The following NECAB1 variants were observed in gnomAD, a reference collection of about 807,000 sequenced individuals.
NECAB1 encodes the protein N-terminal EF-hand calcium binding protein 1.
NECAB1 carries 29 observed loss-of-function variants against 57.5 expected under a neutral mutation model. The observed-to-expected ratio is 0.50, with a 90% CI of 0.38 to 0.69. The LOEUF is 0.69. Among genes scored for constraint, NECAB1 ranks in the 30% least tolerant of loss-of-function variants. NECAB1 has a pLI of 0.00. For synonymous variants in NECAB1, 142 were observed against 147.7 expected (o/e 0.96, Z 0.28); for missense variants, 372 against 413.8 (o/e 0.90, Z 0.88).
intron 12 of NECAB1, among the ~76,000 whole-genome samples, chr8:90,954,848 TATAA>T (rs1485474401): frequency 2.7e-5 from 4 of 148,376 alleles, no homozygotes; most frequent in Admixed American, 6.8e-5. Flanking sequence ...TGCATATATT[TATAA>T]ATATATGTAT....
In NECAB1 at chr8:90,959,247, C is replaced by T. The variant is rs184649012; in HGVS notation, c.*3735C>T. The T allele has an allele frequency of 2.7e-3, 771 of 281,716 alleles. 1 individual carries two copies. Among genetic ancestry groups the T allele is most frequent in the Non-Finnish European group, 3.3e-3 (504 of 152,598 alleles). The allele number at this position is 281,716 out of a possible 1,614,324, so 17.5% of individuals were successfully genotyped here. ...TTTTAAAATATATTAAATTGTATTCCAAACCTGTTCTTCTGTTTCTGTGGC... is the reference window on the plus strand; with the variant it reads ...TTTTAAAATATATTAAATTGTATTCTAAACCTGTTCTTCTGTTTCTGTGGC... On this transcript the variant is annotated 3_prime_UTR_variant, in exon 13 of 13. Transcript: ENST00000417640.
chr8:90,881,197 C>T, intron 5 of NECAB1, 67 bp downstream of exon 5: 1 of 1,107,184 alleles, frequency 9.0e-7, no homozygotes. Flanking sequence ...TCTTGAAAAT[C>T]ATACCTATTT....
chr8:90,872,666 T>C (rs1026316768), intron 4 of NECAB1, among the ~76,000 whole-genome samples: 17 of 152,162 alleles, frequency 1.1e-4, no homozygotes, highest in African/African-American at 4.1e-4. Flanking sequence ...ATTTATTTTC[T>C]TCATCTTTAT....
chr8:90,947,301 CAT>C (rs1425111359), intron 10 of NECAB1, among the ~76,000 whole-genome samples: 2,584 of 84,516 alleles, frequency 0.031, 127 homozygotes, highest in African/African-American at 0.15. Flanking sequence ...GCTAACAACA[CAT>C]ACACACACAC....
chr8:90,881,237 AGTTT>A (rs1466766379), intron 5 of NECAB1, 107 bp downstream of exon 5: 1 of 744,136 alleles, frequency 1.3e-6, no homozygotes, highest in Non-Finnish European at 2.2e-6. Flanking sequence ...TATCACTGAT[AGTTT>A]ATTTTTCTTC....
intron 2 of NECAB1, among the ~76,000 whole-genome samples, chr8:90,805,352 A>G (rs1811830067): frequency 6.8e-6 from 1 of 146,206 alleles, no homozygotes; most frequent in Admixed American, 6.8e-5. Flanking sequence ...GGCAATAGGC[A>G]GTATAATTGT....
chr8:90,883,275 G>A (rs1563516519), intron 5 of NECAB1, among the ~76,000 whole-genome samples: 1 of 152,088 alleles, frequency 6.6e-6, no homozygotes, highest in Admixed American at 6.6e-5. Flanking sequence ...AAAAGAAATA[G>A]TCAAAATTAA....
At position 90,955,637 on chromosome 8, in the gene NECAB1, T is replaced by G. The variant is rs1008200375; in HGVS notation, c.*125T>G. On this transcript the variant is annotated 3_prime_UTR_variant, in exon 13 of 13. Coordinates refer to ENST00000417640, the MANE Select transcript of NECAB1 (RefSeq NM_022351.5). ...ATTTTTGTTTGGTATATTTACTAAG[T>G]GCACTCTTTCAAAACTTATTCTATA... The G allele has an allele frequency of 3.3e-6, 2 of 609,476 alleles. No homozygotes were observed. Among genetic ancestry groups the G allele is most frequent in the Admixed American group, 3.7e-5 (1 of 27,182 alleles). 37.8% of individuals were successfully genotyped at this position (609,476 alleles called of 1,614,324 possible).
intron 2 of NECAB1, among the ~76,000 whole-genome samples, chr8:90,818,390 G>T (rs1371010282): frequency 6.6e-6 from 1 of 151,788 alleles, no homozygotes; most frequent in Non-Finnish European, 1.5e-5. Flanking sequence ...TATTGATTTT[G>T]GTTCTTTCTT....
intron 11 of NECAB1, among the ~76,000 whole-genome samples, chr8:90,950,570 G>A (rs1456461697): frequency 6.6e-6 from 1 of 152,128 alleles, no homozygotes; most frequent in East Asian, 1.9e-4. Flanking sequence ...TAAATATGGT[G>A]ATGGAAGTAA....
At chr8:90,805,959 C>T (rs1811839925) in intron 2 of NECAB1, among the ~76,000 whole-genome samples, 1 of 152,172 alleles carries the variant, frequency 6.6e-6, no homozygotes, top group Admixed American at 6.5e-5. Context: ...CAGCCCATGG[C>T]ACCCACTATT....
chr8:90,850,911 G>A (rs185734805), intron 3 of NECAB1, among the ~76,000 whole-genome samples: 1 of 152,262 alleles, frequency 6.6e-6, no homozygotes, highest in East Asian at 1.9e-4. Flanking sequence ...AATAAGGTGA[G>A]TCTTGAAGGA....
intron 2 of NECAB1, among the ~76,000 whole-genome samples, chr8:90,803,781 A>G (rs554553019): frequency 6.3e-4 from 96 of 152,064 alleles, no homozygotes; most frequent in Non-Finnish European, 1.1e-3. Flanking sequence ...GGCACCCTCC[A>G]TCTGCCACAC....
At chr8:90,810,155 C>T (rs1039931307) in intron 2 of NECAB1, among the ~76,000 whole-genome samples, 2 of 152,140 alleles carry the variant, frequency 1.3e-5, no homozygotes, top group African/African-American at 4.8e-5. Context: ...TGGCTCATCT[C>T]TGTAGCAGAA....
chr8:90,896,808 C>T (rs28556910), intron 5 of NECAB1, among the ~76,000 whole-genome samples: 1 of 152,132 alleles, frequency 6.6e-6, no homozygotes, highest in South Asian at 2.1e-4. Context: ...TCATTCGGAT[C>T]ACCTGCTCCA....
chr8:90,894,187 A>AT (rs1809267557), intron 5 of NECAB1, among the ~76,000 whole-genome samples: 1 of 152,182 alleles, frequency 6.6e-6, no homozygotes, highest in Non-Finnish European at 1.5e-5. Context: ...TTCCAGACAC[A>AT]TTTTTTCTCA....
At position 90,917,870 on chromosome 8, in the gene NECAB1, A is replaced by ATATATATCTGTG. The variant is rs1554575432; in HGVS notation, c.494+243_494+244insATATATCTGTGT. Reference sequence around the variant, plus strand: ...TATATATATATATATATATATATATATGTGTGTGTGTGCGTGTATATATAT... The same window carrying ATATATATCTGTG: ...TATATATATATATATATATATATATATATATATCTGTGTGTGTGTGTGTGCGTGTATATATAT... On this transcript the variant is annotated intron_variant, in intron 6 of 12. Coordinates refer to ENST00000417640, the MANE Select transcript of NECAB1 (RefSeq NM_022351.5). Among the ~76,000 whole-genome samples the ATATATATCTGTG allele has an allele frequency of 4.7e-5, 3 of 64,344 alleles. 1 individual carries two copies. Among genetic ancestry groups the ATATATATCTGTG allele is most frequent in the African/African-American group, 3.1e-4 (3 of 9,572 alleles). The allele number at this position is 64,344 out of a possible 152,430, so 42.2% of individuals were successfully genotyped here. A position where few individuals can be genotyped will look rare whatever the true frequency, so the allele number is the denominator to read the frequency against.
chr8:90,919,131 T>A (rs187201899), intron 6 of NECAB1, among the ~76,000 whole-genome samples: 54 of 152,292 alleles, frequency 3.5e-4, no homozygotes, highest in African/African-American at 1.2e-3. Context: ...GAGACACCTA[T>A]ACTAAAAATG....
intron 5 of NECAB1, among the ~76,000 whole-genome samples, chr8:90,888,636 T>A (rs1038862214): frequency 2.0e-5 from 3 of 152,212 alleles, no homozygotes; most frequent in Non-Finnish European, 4.4e-5. Context: ...CCAGAAATAC[T>A]AAATGTTATT....
Sources: allele counts gnomAD v4.1 joint callset (sites outside exome capture counted in the v4.1 genomes callset), GRCh38; gene constraint gnomAD v4.1.1; transcripts MANE v1.5; gene names NCBI Gene and HGNC (gene_info 2026-07-23, HGNC 2026-07-21).